Variants in GLT1D1 observed in about 807,000 individuals in gnomAD.
The protein encoded by GLT1D1 is glycosyltransferase 1 domain containing 1.
In GLT1D1, 21 loss-of-function variants were observed where a neutral mutation model predicts 28.7. The observed-to-expected ratio is 0.73, with a 90% CI of 0.52 to 1.05. GLT1D1 has a LOEUF of 1.05. Ranked by LOEUF, GLT1D1 falls within the 50% of genes least tolerant of loss-of-function variation. The pLI, the probability that GLT1D1 is intolerant of heterozygous loss-of-function variation, is 0.00. For synonymous variants in GLT1D1, 147 were observed against 124.8 expected (o/e 1.18, Z -1.19); for missense variants, 343 against 330.6 (o/e 1.04, Z -0.29).
At chr12:128,931,218 GT>G in intron 4 of GLT1D1, among the ~76,000 whole-genome samples, 1 of 152,134 alleles carries the variant, frequency 6.6e-6, no homozygotes. Flanking sequence ...GGCCAGGATG[GT>G]CTCAATCTCC....
At chr12:128,877,668 C>T (rs1482993739) in intron 2 of GLT1D1, among the ~76,000 whole-genome samples, 1 of 152,182 alleles carries the variant, frequency 6.6e-6, no homozygotes, top group Non-Finnish European at 1.5e-5. Flanking sequence ...CAGAGGTAAC[C>T]ACAGTTAACA....
chr12:128,862,235 A>G (rs1003694369), intron 1 of GLT1D1, among the ~76,000 whole-genome samples: 10 of 150,230 alleles, frequency 6.7e-5, no homozygotes, highest in Non-Finnish European at 1.5e-4. Context: ...AGGCTGACAC[A>G]GGAGAACTGC....
intron 4 of GLT1D1, among the ~76,000 whole-genome samples, chr12:128,910,176 G>T: frequency 6.6e-6 from 1 of 151,584 alleles, no homozygotes; most frequent in Non-Finnish European, 1.5e-5. Context: ...ATGATGCTCA[G>T]AGATGTGGGA....
At chr12:128,961,846 C>G (rs1441454853) in intron 7 of GLT1D1, among the ~76,000 whole-genome samples, 1 of 152,200 alleles carries the variant, frequency 6.6e-6, no homozygotes, top group Non-Finnish European at 1.5e-5. Context: ...CACACTGACA[C>G]ATAAAATTAA....
At chr12:128,949,916 G>C (rs1876516614) in intron 6 of GLT1D1, among the ~76,000 whole-genome samples, 1 of 152,162 alleles carries the variant, frequency 6.6e-6, no homozygotes, top group Non-Finnish European at 1.5e-5. Flanking sequence ...CTAAAGCAGA[G>C]ACGAGCACCT....
At chr12:128,861,648 A>T (rs1049570137) in intron 1 of GLT1D1, among the ~76,000 whole-genome samples, 1 of 152,206 alleles carries the variant, frequency 6.6e-6, no homozygotes, top group African/African-American at 2.4e-5. Flanking sequence ...GTGTTTCTCC[A>T]TCTGGAACGG....
At chr12:128,942,117 A>G (rs1215657848) in intron 4 of GLT1D1, among the ~76,000 whole-genome samples, 2 of 148,848 alleles carry the variant, frequency 1.3e-5, no homozygotes, top group African/African-American at 2.5e-5. Flanking sequence ...AAGGTCATTT[A>G]TTAGAACACA....
chr12:128,899,442 A>G, intron 4 of GLT1D1, 155 bp downstream of exon 4: 1 of 628,722 alleles, frequency 1.6e-6, no homozygotes, highest in Non-Finnish European at 2.9e-6. Flanking sequence ...TTGATTTTGT[A>G]TGTGTAGATG....
intron 2 of GLT1D1, 76 bp from the exon 3 acceptor site, chr12:128,888,563 G>C: frequency 2.1e-6 from 2 of 950,790 alleles, no homozygotes; most frequent in East Asian, 4.9e-5. Flanking sequence ...CAGTGTTTAA[G>C]ATCCTTGCTT....
intron 4 of GLT1D1, among the ~76,000 whole-genome samples, chr12:128,908,620 C>A (rs565811715): frequency 1.3e-5 from 2 of 150,638 alleles, no homozygotes; most frequent in South Asian, 4.2e-4. Flanking sequence ...TGGTGGCTGG[C>A]GTTTCTGTGG....
chr12:128,927,275 G>C, intron 4 of GLT1D1, 121 bp downstream of exon 8: 1 of 778,392 alleles, frequency 1.3e-6, no homozygotes, highest in South Asian at 1.7e-5. Flanking sequence ...GTCTTGCTCT[G>C]TCCCCCAGGC....
intron 5 of GLT1D1, among the ~76,000 whole-genome samples, chr12:128,945,599 G>A (rs1875963111): frequency 6.6e-6 from 1 of 152,212 alleles, no homozygotes; most frequent in Non-Finnish European, 1.5e-5. Context: ...ACATTGGCCA[G>A]AATGGAAAGA....
chr12:128,934,222 T>TC (rs1874276732), intron 4 of GLT1D1, among the ~76,000 whole-genome samples: 1 of 146,944 alleles, frequency 6.8e-6, no homozygotes, highest in African/African-American at 2.5e-5. Context: ...TTTTTTTTTT[T>TC]AGATGGAGTG....
At chr12:128,949,374 A>G (rs1257350390) in intron 6 of GLT1D1, among the ~76,000 whole-genome samples, 1 of 152,196 alleles carries the variant, frequency 6.6e-6, no homozygotes, top group East Asian at 1.9e-4. Flanking sequence ...CTTTGGGCGA[A>G]GTGTTTTGAA....
chr12:128,876,296 T>C (rs1397121990), intron 2 of GLT1D1, among the ~76,000 whole-genome samples: 1 of 152,138 alleles, frequency 6.6e-6, no homozygotes, highest in Admixed American at 6.6e-5. Context: ...TCATCCTTAA[T>C]TTTTGTTTGT....
At position 128,872,784 on chromosome 12, in the gene GLT1D1, A is replaced by G. The variant is rs75182080; in HGVS notation, c.69-3130A>G. 5.7e-3 allele frequency among the ~76,000 whole-genome samples: 875 copies of G among 152,276 alleles called. 15 individuals carry two copies. The highest frequency in any genetic ancestry group is 0.019 in the African/African-American group (810 of 41,552). On this transcript the variant is annotated intron_variant, in intron 1 of 7. Coordinates refer to ENST00000281703, the MANE Select transcript of GLT1D1 (RefSeq NM_144669.3). ...CTCACACACATACACACCTCAAACA[A>G]TTTAAAAAGATAATATATGCATGTG...
At chr12:128,942,975 C>T (rs1875523868) in intron 4 of GLT1D1, among the ~76,000 whole-genome samples, 3 of 152,218 alleles carry the variant, frequency 2.0e-5, no homozygotes, top group Non-Finnish European at 2.9e-5. Flanking sequence ...TCTCGATCTC[C>T]TGACCTCATG....
chr12:128,930,809 C>T (rs758261718), intron 4 of GLT1D1, among the ~76,000 whole-genome samples: 28 of 152,152 alleles, frequency 1.8e-4, no homozygotes, highest in Non-Finnish European at 3.1e-4. Flanking sequence ...ACAAAGGACG[C>T]TGCCTGGATT....
rs1421924293 is a variant in GLT1D1, at chr12:128,940,424, G to A, written c.376-4902G>A. On this transcript the variant is annotated intron_variant, in intron 4 of 7. Coordinates refer to ENST00000281703, the MANE Select transcript of GLT1D1 (RefSeq NM_144669.3). Reference sequence around the variant, plus strand: ...GTGCTAGAGTTCTCATTGGACAGACGAGCAAACTGACACGCAGAGAGGTCC... The same window carrying A: ...GTGCTAGAGTTCTCATTGGACAGACAAGCAAACTGACACGCAGAGAGGTCC... Among the ~76,000 whole-genome samples, 3 of 152,206 alleles carry A rather than the reference G, an allele frequency of 2.0e-5. No homozygotes were observed. The Middle Eastern group carries it at 0.01, about 518-fold the overall frequency.
Sources: gnomAD v4.1 joint callset for allele counts (sites outside exome capture counted in the v4.1 genomes callset) on GRCh38, gnomAD v4.1.1 for gene constraint, MANE v1.5 for transcripts, NCBI Gene and HGNC (gene_info 2026-07-23, HGNC 2026-07-21) for gene names.